LYRM4: variants seen among roughly 807,000 people sequenced by gnomAD.
The protein encoded by LYRM4 is LYR motif containing 4.
A neutral mutation model predicts 11.7 loss-of-function variants in LYRM4; 9 were observed. The observed-to-expected ratio is 0.77, with a 90% CI of 0.46 to 1.34. The LOEUF is 1.34. Ranked by LOEUF, LYRM4 falls within the 40% of genes most tolerant of loss-of-function variation. The probability of loss-of-function intolerance (pLI) is 0.00; values close to 1 mark genes in which losing one functional copy is unlikely to be tolerated. For missense variants in LYRM4, 133 were observed against 112.5 expected, an observed-to-expected ratio of 1.18 and a Z score of -0.82; for synonymous variants, 42 against 40.4, an observed-to-expected ratio of 1.04 and a Z score of -0.15.
At chr6:5,256,178 AAG>A (rs1764656607) in intron 1 of LYRM4, among the ~76,000 whole-genome samples, 1 of 152,130 alleles carries the variant, frequency 6.6e-6, no homozygotes, top group South Asian at 2.1e-4. Flanking sequence ...AAGAAGAGCC[AAG>A]AAGACAAAAT....
chr6:5,055,723 G>A, the LYRM4 span, among the ~76,000 whole-genome samples: 1 of 152,166 alleles, frequency 6.6e-6, no homozygotes, highest in East Asian at 1.9e-4. The surrounding 1 kb of genome is among the most constrained non-coding windows in gnomAD (Gnocchi z 4.5). Flanking sequence ...GTGGGAGAAA[G>A]GATCCTTAGC....
intron 1 of LYRM4, among the ~76,000 whole-genome samples, chr6:5,260,009 G>C (rs181812741): frequency 6.6e-6 from 1 of 152,174 alleles, no homozygotes; most frequent in Admixed American, 6.5e-5. Flanking sequence ...TGTGAGTTTA[G>C]GCCCTCAATA....
intron 2 of LYRM4, among the ~76,000 whole-genome samples, chr6:5,142,753 T>C (rs1352702822): frequency 6.6e-6 from 1 of 152,214 alleles, no homozygotes; most frequent in Admixed American, 6.5e-5. Context: ...CATTAGGAGA[T>C]GGTGTAAACT....
At chr6:5,049,762 C>T in the LYRM4 span, among the ~76,000 whole-genome samples, 13 of 152,072 alleles carry the variant, frequency 8.5e-5, no homozygotes, top group South Asian at 1.0e-3. Flanking sequence ...CTCCACCTCC[C>T]GGGTTCAAAC....
chr6:5,073,263 G>A, the LYRM4 span, among the ~76,000 whole-genome samples: 1 of 152,008 alleles, frequency 6.6e-6, no homozygotes, highest in Non-Finnish European at 1.5e-5. Flanking sequence ...CCAGCTACTC[G>A]GGAGGCTGTG....
chr6:5,167,293 G>A (rs1260797048), intron 2 of LYRM4, among the ~76,000 whole-genome samples: 1 of 151,988 alleles, frequency 6.6e-6, no homozygotes, highest in Admixed American at 6.6e-5. Flanking sequence ...TATCCCTCTG[G>A]TCACCCTCCC....
At chr6:5,118,096 T>TATATATTTTTTTTTTTG (rs1554126841) in intron 2 of LYRM4, among the ~76,000 whole-genome samples, 1 of 78,706 alleles carries the variant, frequency 1.3e-5, no homozygotes, top group South Asian at 4.5e-4. Flanking sequence ...ATATATATAT[T>TATATATTTTTTTTTTTG]TTTGTTTTGT....
the LYRM4 span, among the ~76,000 whole-genome samples, chr6:5,071,542 A>ATGTG: frequency 5.9e-4 from 89 of 150,312 alleles, no homozygotes; most frequent in African/African-American, 2.0e-3. Flanking sequence ...TTATATATAT[A>ATGTG]TGTGTGTGTG....
rs535057635 is a variant in LYRM4, at chr6:5,123,482, C to T, written c.208-13991G>A. 5.9e-5 allele frequency among the ~76,000 whole-genome samples: 9 copies of T among 152,328 alleles called. No individual in the cohort carries two copies. In the South Asian group the frequency reaches 6.2e-4, roughly 11 times the overall value. ...AGGATCTAGGAGACATCTGAGTATA[C>T]GTATAAGCACTTCTGGGGGAAGGGG... On this transcript the variant is annotated intron_variant, in intron 2 of 2. Coordinates refer to ENST00000330636, the MANE Select transcript of LYRM4 (RefSeq NM_020408.6).
chr6:5,153,831 A>G (rs1452389198), intron 2 of LYRM4, among the ~76,000 whole-genome samples: 3 of 152,196 alleles, frequency 2.0e-5, no homozygotes, highest in African/African-American at 7.2e-5. Context: ...AGACAGATAC[A>G]ATGAAAGACT....
intron 2 of LYRM4, among the ~76,000 whole-genome samples, chr6:5,187,394 T>G (rs978258795): frequency 1.3e-5 from 2 of 152,222 alleles, no homozygotes; most frequent in Non-Finnish European, 2.9e-5. Context: ...CTGAAATCAA[T>G]GTAAACGTCC....
chr6:5,145,460 T>C (rs1232982513), intron 2 of LYRM4, among the ~76,000 whole-genome samples: 1 of 152,146 alleles, frequency 6.6e-6, no homozygotes, highest in African/African-American at 2.4e-5. Flanking sequence ...TGTGCTTAAT[T>C]TCCCTTGGTG....
chr6:5,191,129 A>T (rs1266615900), intron 2 of LYRM4, among the ~76,000 whole-genome samples: 9 of 152,222 alleles, frequency 5.9e-5, no homozygotes, highest in African/African-American at 2.2e-4. Flanking sequence ...GTAAATATTC[A>T]ACATTTGGGG....
chr6:5,071,344 A>AT, the LYRM4 span, among the ~76,000 whole-genome samples: 166 of 152,252 alleles, frequency 1.1e-3, 1 homozygote, highest in South Asian at 0.031. Context: ...CTATTTAAAA[A>AT]ATTTTTTTAA....
At chr6:5,122,214 G>A (rs1256851572) in intron 2 of LYRM4, among the ~76,000 whole-genome samples, 1 of 152,112 alleles carries the variant, frequency 6.6e-6, no homozygotes, top group Non-Finnish European at 1.5e-5. Flanking sequence ...CCTTCATCCG[G>A]TGATGACTGC....
the LYRM4 span, among the ~76,000 whole-genome samples, chr6:5,063,724 T>C: frequency 1.3e-5 from 2 of 152,164 alleles, no homozygotes; most frequent in East Asian, 1.9e-4. Context: ...GGACCACAGT[T>C]GGGGAGCCAT....
intron 2 of LYRM4, among the ~76,000 whole-genome samples, chr6:5,154,532 T>C (rs1205938265): frequency 6.6e-6 from 1 of 152,140 alleles, no homozygotes; most frequent in Non-Finnish European, 1.5e-5. Flanking sequence ...GAAAGGCGGA[T>C]TCGGCCGGGC....
chr6:5,167,904 C>T (rs1283740795), intron 2 of LYRM4, among the ~76,000 whole-genome samples: 1 of 151,114 alleles, frequency 6.6e-6, no homozygotes, highest in Non-Finnish European at 1.5e-5. Flanking sequence ...TCTTATACTA[C>T]CGGGAAAAGA....
chr6:5,070,839 G>A, the LYRM4 span, among the ~76,000 whole-genome samples: 2 of 131,038 alleles, frequency 1.5e-5, no homozygotes, highest in African/African-American at 6.1e-5. Context: ...CCATTGCACT[G>A]CAGCCTGGGT....
Sources: gnomAD v4.1 joint callset for allele counts (sites outside exome capture counted in the v4.1 genomes callset) on GRCh38, gnomAD v4.1.1 for gene constraint, Gnocchi (gnomAD v3.1) non-coding constraint, MANE v1.5 for transcripts, NCBI Gene and HGNC (gene_info 2026-07-23, HGNC 2026-07-21) for gene names.